The following VDR variants were observed in gnomAD, a reference collection of about 807,000 sequenced individuals.
VDR encodes the protein vitamin D3 receptor.
VDR carries 19 observed loss-of-function variants against 39.7 expected under a neutral mutation model. That is an observed-to-expected ratio of 0.48 (90% CI 0.33 to 0.70). The LOEUF (loss-of-function observed/expected upper bound fraction) is 0.70. Ranked by LOEUF, VDR falls within the 30% of genes least tolerant of loss-of-function variation. The pLI is 0.02. For synonymous variants in VDR, 242 were observed against 215.8 expected (o/e 1.12, Z -1.07); for missense variants, 442 against 570.5 (o/e 0.77, Z 2.29).
intron 1 of VDR, among the ~76,000 whole-genome samples, chr12:47,893,057 C>T (rs764219908): frequency 3.9e-5 from 6 of 152,176 alleles, no homozygotes; most frequent in African/African-American, 9.7e-5. Context: ...CAGGAAGAGA[C>T]GTAATAACTG....
intron 7 of VDR, among the ~76,000 whole-genome samples, chr12:47,855,371 T>TAAA (rs1306064032): frequency 6.6e-6 from 1 of 151,378 alleles, no homozygotes; most frequent in African/African-American, 2.4e-5. Context: ...AATAAATAAA[T>TAAA]TAGCCGGGCG....
intron 1 of VDR, among the ~76,000 whole-genome samples, chr12:47,885,108 A>T (rs1946227963): frequency 6.6e-6 from 1 of 152,192 alleles, no homozygotes; most frequent in Non-Finnish European, 1.5e-5. Context: ...TACACAGAAC[A>T]TCCCACTGCT....
chr12:47,883,138 C>T (rs1052758161), intron 1 of VDR, among the ~76,000 whole-genome samples: 2 of 152,214 alleles, frequency 1.3e-5, no homozygotes, highest in African/African-American at 2.4e-5. Flanking sequence ...GAGACCCACA[C>T]TCTCACTACC....
chr12:47,857,796 G>A (rs529556629), intron 4 of VDR, 108 bp from the exon 5 acceptor site: 33 of 1,282,522 alleles, frequency 2.6e-5, no homozygotes, highest in South Asian at 7.0e-5. Context: ...TTTAACACTC[G>A]GGGCTCCCTC....
intron 3 of VDR, among the ~76,000 whole-genome samples, chr12:47,869,599 A>G (rs913738327): frequency 2.7e-5 from 4 of 150,856 alleles, no homozygotes; most frequent in African/African-American, 9.7e-5. Flanking sequence ...GAATTAAGAG[A>G]AAGTACTGGG....
chr12:47,890,978 C>T (rs761974159), intron 1 of VDR, among the ~76,000 whole-genome samples: 1 of 152,190 alleles, frequency 6.6e-6, no homozygotes, highest in African/African-American at 2.4e-5. Context: ...CTCTTTGAGG[C>T]CCAACAACCT....
chr12:47,883,067 G>A (rs1294289968), intron 1 of VDR: 1 of 371,904 alleles, frequency 2.7e-6, no homozygotes, highest in Non-Finnish European at 4.9e-6. Flanking sequence ...CTCCCGCCTA[G>A]GCACTCCTTC....
chr12:47,857,915 G>T (rs144470289), intron 4 of VDR, among the ~76,000 whole-genome samples: 2 of 152,184 alleles, frequency 1.3e-5, no homozygotes, highest in East Asian at 3.8e-4. Flanking sequence ...GGATTTGAGA[G>T]GGGGGATGAT....
At chr12:47,878,769 A>G (rs998757554) in intron 3 of VDR, 199 bp downstream of exon 3, 4 of 855,822 alleles carry the variant, frequency 4.7e-6, no homozygotes, top group East Asian at 2.7e-5. Context: ...CAAGAGAGTC[A>G]GAGGAACATC....
chr12:47,856,933 C>G (rs1469471514), intron 6 of VDR, among the ~76,000 whole-genome samples, 196 bp downstream of exon 6: 1 of 152,226 alleles, frequency 6.6e-6, no homozygotes, highest in Non-Finnish European at 1.5e-5. Flanking sequence ...GGCCTCTTCC[C>G]CAGTGTGGGC....
chr12:47,888,459 C>A (rs1175818445), intron 1 of VDR, among the ~76,000 whole-genome samples: 1 of 152,164 alleles, frequency 6.6e-6, no homozygotes, highest in South Asian at 2.1e-4. Flanking sequence ...AGGCCTCAGG[C>A]AGTGGAGCAG....
chr12:47,898,976 A>C (rs1266904955), intron 1 of VDR, among the ~76,000 whole-genome samples: 1 of 152,212 alleles, frequency 6.6e-6, no homozygotes, highest in Admixed American at 6.5e-5. Flanking sequence ...CTCTTAACTT[A>C]GGTGGTAGGT....
At chr12:47,899,803 CA>C (rs757194799) in intron 1 of VDR, 105 of 773,350 alleles carry the variant, frequency 1.4e-4, no homozygotes, top group Non-Finnish European at 1.5e-4. Context: ...TTGGTTTCCC[CA>C]CTATGCCTGC....
rs998527429 is a variant in VDR, at chr12:47,860,392, C to T, written c.278-2704G>A. Among the ~76,000 whole-genome samples the T allele has an allele frequency of 2.0e-5, 3 of 152,188 alleles. No individual in the cohort carries two copies. The East Asian group carries it at 5.8e-4, about 29-fold the overall frequency. ...CCACACAGATTACACCAACTGTGTG[C>T]AAATCATTTTCCTGGTTCAGGAAAG... On this transcript the variant is annotated intron_variant, in intron 4 of 9. Coordinates refer to ENST00000549336, the MANE Select transcript of VDR (RefSeq NM_000376.3).
intron 3 of VDR, among the ~76,000 whole-genome samples, chr12:47,873,544 G>T (rs1242082721): frequency 5.2e-4 from 78 of 150,426 alleles, no homozygotes; most frequent in African/African-American, 1.8e-3. Flanking sequence ...TGTATTTTTA[G>T]TAGAGACGGG....
At chr12:47,846,271 G>A (rs1244519020) in intron 9 of VDR, 64 bp downstream of exon 9, 2 of 1,465,840 alleles carry the variant, frequency 1.4e-6, no homozygotes, top group Non-Finnish European at 1.9e-6. Flanking sequence ...GCCCTCAGCA[G>A]GTCTTTGTCC....
chr12:47,857,296 T>G, intron 5 of VDR, 47 bp from the exon 6 acceptor site: 1 of 1,613,678 alleles, frequency 6.2e-7, no homozygotes, highest in African/African-American at 1.3e-5. Flanking sequence ...GGGGTTGCCT[T>G]CCTACCTTGG....
In VDR at chr12:47,846,932, G is replaced by A. The variant is rs1945292454; in HGVS notation, c.756-124C>T. The A allele has an allele frequency of 6.0e-6, 7 of 1,157,230 alleles. No homozygotes were observed. The South Asian group carries it at 6.2e-5, about 10-fold the overall frequency. The allele number at this position is 1,157,230 out of a possible 1,614,324, so 71.7% of individuals were successfully genotyped here. On this transcript the variant is annotated intron_variant, in intron 7 of 9. Transcript: ENST00000549336. ...CAACATGCACCCTGGGTCTTTCATC[G>A]AGGAGCTTGCAGGCTGGCTGGAAGG... is the stretch of plus-strand genomic sequence containing the variant.
At chr12:47,886,536 G>A (rs1011696303) in intron 1 of VDR, among the ~76,000 whole-genome samples, 1 of 152,178 alleles carries the variant, frequency 6.6e-6, no homozygotes, top group South Asian at 2.1e-4. Flanking sequence ...AGGGTTTACT[G>A]TATAAATAGA....
Sources: gnomAD v4.1 joint callset for allele counts (sites outside exome capture counted in the v4.1 genomes callset) on GRCh38, gnomAD v4.1.1 for gene constraint, MANE v1.5 for transcripts, NCBI Gene and HGNC (gene_info 2026-07-23, HGNC 2026-07-21) for gene names.